Variants in GLIS1 observed in about 807,000 individuals in gnomAD.
The protein encoded by GLIS1 is zinc finger protein GLIS1.
A neutral mutation model predicts 63.8 loss-of-function variants in GLIS1; 24 were observed. The observed-to-expected ratio is 0.38, with a 90% CI of 0.27 to 0.53. The LOEUF (loss-of-function observed/expected upper bound fraction) is 0.53. Among genes scored for constraint, GLIS1 ranks in the 20% least tolerant of loss-of-function variants. The probability of loss-of-function intolerance (pLI) is 0.85; values close to 1 mark genes in which losing one functional copy is unlikely to be tolerated. For synonymous variants in GLIS1, 450 were observed against 482.5 expected (o/e 0.93, Z 0.88); for missense variants, 1,036 against 1,074.1 (o/e 0.96, Z 0.50).
chr1:53,667,060 A>C (rs996496522), intron 2 of GLIS1, among the ~76,000 whole-genome samples: 7 of 152,238 alleles, frequency 4.6e-5, no homozygotes, highest in Non-Finnish European at 1.0e-4. Context: ...TTTGAGGTTC[A>C]GTTTTTCTTG....
intron 2 of GLIS1, among the ~76,000 whole-genome samples, chr1:53,630,743 C>T (rs1007091788): frequency 5.3e-5 from 8 of 152,142 alleles, no homozygotes; most frequent in African/African-American, 1.9e-4. Flanking sequence ...GCAATCCACC[C>T]GCCTCGGCCT....
chr1:53,527,846 G>T (rs1163115855), intron 5 of GLIS1, among the ~76,000 whole-genome samples: 1 of 152,220 alleles, frequency 6.6e-6, no homozygotes, highest in Non-Finnish European at 1.5e-5. Flanking sequence ...GGAGACGAAG[G>T]CCTGAGATAA....
intron 2 of GLIS1, among the ~76,000 whole-genome samples, chr1:53,694,124 G>A (rs1417705953): frequency 1.3e-5 from 2 of 152,344 alleles, no homozygotes; most frequent in Admixed American, 1.3e-4. Context: ...GGACTGCAGG[G>A]ACCCAAAGAA....
Position 53,642,563 on chromosome 1 carries a change from A to G in GLIS1, c.260-42285T>C, listed in dbSNP as rs1645799139. On this transcript the variant is annotated intron_variant, in intron 2 of 10. Transcript: ENST00000628545. ...GCTAATGAACGCCTGTCTATCCTGT[A>G]ACACCCAAGTCAAGTGCTACCTCCT... is the stretch of plus-strand genomic sequence containing the variant. 2.0e-5 allele frequency among the ~76,000 whole-genome samples: 3 copies of G among 152,140 alleles called. No individual in the cohort carries two copies. The South Asian group carries it at 6.2e-4, about 32-fold the overall frequency.
At chr1:53,522,986 C>CTTTTTCTTTT (rs760283252) in intron 6 of GLIS1, among the ~76,000 whole-genome samples, 555 of 43,652 alleles carry the variant, frequency 0.013, 30 homozygotes, top group African/African-American at 0.023. Flanking sequence ...TCTTTTCTTT[C>CTTTTTCTTTT]TTTTTTTTTT....
chr1:53,660,788 G>A (rs1165489398), intron 2 of GLIS1, among the ~76,000 whole-genome samples: 2 of 152,168 alleles, frequency 1.3e-5, no homozygotes, highest in Non-Finnish European at 2.9e-5. Flanking sequence ...GTTTATGGGA[G>A]TGTGTACCTT....
chr1:53,553,823 C>A (rs1337717806), intron 4 of GLIS1, among the ~76,000 whole-genome samples: 1 of 152,158 alleles, frequency 6.6e-6, no homozygotes, highest in African/African-American at 2.4e-5. Flanking sequence ...GGAAAAGAGA[C>A]AGAGCAAGGA....
At chr1:53,719,036 C>G (rs544925082) in intron 2 of GLIS1, among the ~76,000 whole-genome samples, 1 of 152,316 alleles carries the variant, frequency 6.6e-6, no homozygotes, top group African/African-American at 2.4e-5. Context: ...CCGCATGCAT[C>G]CCGTGGGACA....
At chr1:53,565,775 T>C (rs114099956) in intron 4 of GLIS1, among the ~76,000 whole-genome samples, 1,714 of 152,048 alleles carry the variant, frequency 0.011, 39 homozygotes, top group African/African-American at 0.039. Flanking sequence ...TCAAAGAACA[T>C]ATCATTCTAA....
At position 53,610,771 on chromosome 1, in the gene GLIS1, C is replaced by T. The variant is rs181941029; in HGVS notation, c.260-10493G>A. Among the ~76,000 whole-genome samples the T allele has an allele frequency of 4.6e-5, 7 of 152,278 alleles. No homozygotes were observed. In the East Asian group the frequency reaches 7.7e-4, roughly 17 times the overall value. The stretch of plus-strand genomic sequence containing the variant: ...CCACTTCAAACTTTACTTTGCTCGT[C>T]GTCTTTCCCCTGTCTTTCTGGGGCA... On this transcript the variant is annotated intron_variant, in intron 2 of 10. Transcript: ENST00000628545.
intron 2 of GLIS1, among the ~76,000 whole-genome samples, chr1:53,641,714 G>C (rs150247413): frequency 6.4e-4 from 98 of 152,252 alleles, no homozygotes; most frequent in African/African-American, 2.3e-3. Flanking sequence ...ACCAAAAAGG[G>C]GCCATCTTGG....
intron 2 of GLIS1, among the ~76,000 whole-genome samples, chr1:53,688,109 C>T (rs1646360758): frequency 6.6e-6 from 1 of 152,244 alleles, no homozygotes; most frequent in South Asian, 2.1e-4. Flanking sequence ...TCCTGCTCGG[C>T]AGGCTCTGGC....
At chr1:53,679,712 C>T (rs144708900) in intron 2 of GLIS1, among the ~76,000 whole-genome samples, 50 of 151,638 alleles carry the variant, frequency 3.3e-4, no homozygotes, top group African/African-American at 1.2e-3. Context: ...TCTGAGCATG[C>T]TTCCTTGGGA....
intron 4 of GLIS1, among the ~76,000 whole-genome samples, chr1:53,554,622 A>C (rs1406970374): frequency 6.6e-6 from 1 of 152,118 alleles, no homozygotes; most frequent in Non-Finnish European, 1.5e-5. Context: ...TGGAGCCCTG[A>C]GTCCATATTG....
chr1:53,690,394 C>T (rs554063731), intron 2 of GLIS1, among the ~76,000 whole-genome samples: 29 of 152,326 alleles, frequency 1.9e-4, no homozygotes, highest in African/African-American at 2.6e-4. Context: ...CTTCCACTGG[C>T]CTCATATGAG....
chr1:53,629,257 C>T (rs1416356839), intron 2 of GLIS1, among the ~76,000 whole-genome samples: 1 of 152,146 alleles, frequency 6.6e-6, no homozygotes, highest in African/African-American at 2.4e-5. Context: ...GGGACTCACT[C>T]CTACCCATCC....
At chr1:53,542,683 GC>G (rs1462962882) in intron 4 of GLIS1, among the ~76,000 whole-genome samples, 1 of 152,196 alleles carries the variant, frequency 6.6e-6, no homozygotes, top group East Asian at 1.9e-4. Flanking sequence ...CATGTACATG[GC>G]ATGGGTCCCT....
intron 3 of GLIS1, among the ~76,000 whole-genome samples, chr1:53,599,395 C>T (rs1221962230): frequency 6.6e-6 from 1 of 152,190 alleles, no homozygotes; most frequent in Non-Finnish European, 1.5e-5. Flanking sequence ...AGCCCCCTCA[C>T]CAGGTAATGC....
intron 2 of GLIS1, among the ~76,000 whole-genome samples, chr1:53,736,884 A>G (rs924019328): frequency 2.0e-5 from 3 of 152,160 alleles, no homozygotes; most frequent in Non-Finnish European, 4.4e-5. Context: ...GTAAAACCCA[A>G]ACTGTTTTTG....
Sources: allele counts gnomAD v4.1 joint callset (sites outside exome capture counted in the v4.1 genomes callset), GRCh38; gene constraint gnomAD v4.1.1; transcripts MANE v1.5; gene names NCBI Gene and HGNC (gene_info 2026-07-23, HGNC 2026-07-21).